Variants in HACD3 observed in about 807,000 individuals in gnomAD.
The protein encoded by HACD3 is very-long-chain (3R)-3-hydroxyacyl-CoA dehydratase 3.
In HACD3, 30 loss-of-function variants were observed where a neutral mutation model predicts 55.2. The observed-to-expected ratio is 0.54, with a 90% CI of 0.41 to 0.74. HACD3 has a LOEUF of 0.74. HACD3 is among the 30% of genes least tolerant of loss of function. The pLI, the probability that HACD3 is intolerant of heterozygous loss-of-function variation, is 0.00. For missense variants in HACD3, 363 were observed against 440.1 expected (o/e 0.82, Z 1.57); for synonymous variants, 141 against 151.7 (o/e 0.93, Z 0.52).
intron 2 of HACD3, among the ~76,000 whole-genome samples, chr15:65,554,032 G>A (rs188208964): frequency 6.6e-4 from 100 of 152,244 alleles, no homozygotes; most frequent in African/African-American, 2.3e-3. Context: ...CTTTTTCCTT[G>A]TTCCATTTGG....
intron 10 of HACD3, chr15:65,574,639 A>AG (rs1481565855): frequency 6.6e-6 from 1 of 152,222 alleles, no homozygotes; most frequent in Non-Finnish European, 1.5e-5. Context: ...GGAGCCCCTT[A>AG]GTGTGCCAGT....
intron 1 of HACD3, among the ~76,000 whole-genome samples, chr15:65,537,947 AAAAAAAAAAAAATATATATATATAT>A (rs1403939180): frequency 0.031 from 1,958 of 63,060 alleles, 60 homozygotes; most frequent in Admixed American, 0.042. Flanking sequence ...AAAAAAAAAA[AAAAAAAAAAAAATATATATATATAT>A]ATATATATAT....
chr15:65,559,864 A>AT (rs758588266), intron 5 of HACD3, among the ~76,000 whole-genome samples: 1 of 152,068 alleles, frequency 6.6e-6, no homozygotes, highest in African/African-American at 2.4e-5. Context: ...TAATATATGG[A>AT]TTTTTTGGGT....
chr15:65,555,206 C>T (rs1356028314), intron 3 of HACD3, among the ~76,000 whole-genome samples: 3 of 152,152 alleles, frequency 2.0e-5, no homozygotes, highest in Non-Finnish European at 2.9e-5. Context: ...TTAACTTCTT[C>T]GAGTTCTGGT....
intron 4 of HACD3, 64 bp downstream of exon 4, chr15:65,556,967 C>G: frequency 1.4e-6 from 2 of 1,465,514 alleles, no homozygotes; most frequent in Admixed American, 4.0e-5. Context: ...GTTATTCAGG[C>G]CACTTCAGAT....
At chr15:65,551,505 T>C (rs1347469763) in intron 1 of HACD3, among the ~76,000 whole-genome samples, 171 bp from the exon 2 acceptor site, 1 of 152,194 alleles carries the variant, frequency 6.6e-6, no homozygotes, top group Non-Finnish European at 1.5e-5. Flanking sequence ...CAGACAGACA[T>C]AGAGAAAGCC....
intron 1 of HACD3, among the ~76,000 whole-genome samples, chr15:65,547,295 TTAG>T (rs1359601787): frequency 1.3e-5 from 2 of 152,136 alleles, no homozygotes; most frequent in Admixed American, 1.3e-4. Context: ...TTTTGTATTT[TTAG>T]TAGAGACAGG....
rs568147721 is a variant in HACD3, at chr15:65,551,553, G to A, written c.88-123G>A. ...AATAAATGACTAAATATATTTCTGGGGGAGGCACAGAGTAGGAGTTTGAGT... is the reference window on the plus strand; with the variant it reads ...AATAAATGACTAAATATATTTCTGGAGGAGGCACAGAGTAGGAGTTTGAGT... On this transcript the variant is annotated intron_variant, in intron 1 of 10. Transcript: ENST00000261875. 4 of 1,017,180 alleles carry A rather than the reference G, an allele frequency of 3.9e-6. No homozygotes were observed. The South Asian group carries it at 5.4e-5, about 14-fold the overall frequency. The allele number at this position is 1,017,180 out of a possible 1,614,324, so 63.0% of individuals were successfully genotyped here.
chr15:65,542,112 C>A (rs1489102130), intron 1 of HACD3, among the ~76,000 whole-genome samples: 1 of 150,578 alleles, frequency 6.6e-6, no homozygotes, highest in Non-Finnish European at 1.5e-5. Context: ...TCCTGTAGTC[C>A]CAGCTACTTG....
At chr15:65,562,941 C>T (rs1234226446) in intron 6 of HACD3, 57 bp downstream of exon 6, 4 of 1,592,518 alleles carry the variant, frequency 2.5e-6, no homozygotes, top group East Asian at 2.2e-5. Context: ...GCCCAGTATT[C>T]ACCAAAGGGA....
At chr15:65,538,048 C>T (rs2071981580) in intron 1 of HACD3, among the ~76,000 whole-genome samples, 1 of 146,370 alleles carries the variant, frequency 6.8e-6, no homozygotes, top group Non-Finnish European at 1.5e-5. Flanking sequence ...GCACCTAGTC[C>T]CACCCAAGAG....
chr15:65,558,857 A>G, intron 5 of HACD3, 126 bp downstream of exon 5: 1 of 1,164,958 alleles, frequency 8.6e-7, no homozygotes, highest in Non-Finnish European at 1.2e-6. Context: ...GAGTTTATGA[A>G]AAAGCTTTTA....
At chr15:65,556,475 A>AGAGCGAGTCTG in intron 3 of HACD3, among the ~76,000 whole-genome samples, 1 of 72,958 alleles carries the variant, frequency 1.4e-5, no homozygotes, top group Non-Finnish European at 4.4e-5. Context: ...GAGCGAGTCT[A>AGAGCGAGTCTG]AATATAGGTG....
chr15:65,547,834 TAAC>T (rs1367287859), intron 1 of HACD3, among the ~76,000 whole-genome samples: 22 of 152,364 alleles, frequency 1.4e-4, no homozygotes, highest in African/African-American at 5.0e-4. Context: ...TCAGTTCACT[TAAC>T]AGTTATTGAG....
In HACD3 at chr15:65,571,665, G is replaced by A. The variant is rs2072349554; in HGVS notation, c.880+11G>A. The A allele has an allele frequency of 1.3e-6, 2 of 1,596,358 alleles. No individual in the cohort carries two copies. The highest frequency in any genetic ancestry group is 1.7e-6 in the Non-Finnish European group (2 of 1,164,282). Reference sequence around the variant, plus strand: ...GATGTTTGGCGGAAGGTACTCTCAGGGACTCTTAGCTTTCATAGCTTAGCT... The same window carrying A: ...GATGTTTGGCGGAAGGTACTCTCAGAGACTCTTAGCTTTCATAGCTTAGCT... On this transcript the variant is annotated intron_variant, in intron 9 of 10. Transcript: ENST00000261875.
chr15:65,554,209 G>A (rs2072164048), intron 2 of HACD3, among the ~76,000 whole-genome samples: 1 of 152,148 alleles, frequency 6.6e-6, no homozygotes, highest in African/African-American at 2.4e-5. Flanking sequence ...AAGTAATTGT[G>A]AAAGTTAAAT....
At position 65,571,558 on chromosome 15, in the gene HACD3, T is replaced by C. The variant is rs1216748268; in HGVS notation, c.784T>C (p.Tyr262His). The part of the protein sequence containing the change: ...SAIEIFRYSF[Y>H]MLTCIDMDWK... The stretch of plus-strand genomic sequence containing the variant: ...ATTTATTTTCAATAGGTACTCTTTC[T>C]ACATGCTGACGTGCATTGACATGGA... The change falls in exon 9 of 11, where the codon TAC becomes CAC. Residue 262 changes from tyrosine to histidine, a missense_variant. Coordinates refer to ENST00000261875, the MANE Select transcript of HACD3 (RefSeq NM_016395.4). 1.2e-6 allele frequency: 2 copies of C among 1,613,172 alleles called. No homozygotes were observed. Among genetic ancestry groups the C allele is most frequent in the South Asian group, 2.2e-5 (2 of 91,022 alleles).
chr15:65,535,750 C>T, intron 1 of HACD3: 4 of 598,948 alleles, frequency 6.7e-6, no homozygotes, highest in Non-Finnish European at 9.2e-6. Flanking sequence ...GGTTGGAGTG[C>T]AGCAGTGTGA....
rs529569165 is a variant in HACD3, at chr15:65,530,562, C to T, written c.-70C>T. 1.4e-6 allele frequency: 2 copies of T among 1,408,984 alleles called. No individual in the cohort carries two copies. Among genetic ancestry groups the T allele is most frequent in the African/African-American group, 1.5e-5 (1 of 68,318 alleles). 87.3% of individuals were successfully genotyped at this position (1,408,984 alleles called of 1,614,324 possible). A position where few individuals can be genotyped will look rare whatever the true frequency, so the allele number is the denominator to read the frequency against. On this transcript the variant is annotated 5_prime_UTR_variant, in exon 1 of 11. Transcript: ENST00000261875. ...GTTTGAGGCCTGCTTTCTGCTCGCG[C>T]CAGCAGAGCACTACCTGAGGCAGCG...
Sources: allele counts gnomAD v4.1 joint callset (sites outside exome capture counted in the v4.1 genomes callset), GRCh38; gene constraint gnomAD v4.1.1; transcripts MANE v1.5; gene names NCBI Gene and HGNC (gene_info 2026-07-23, HGNC 2026-07-21).